The following DMRT2 variants were observed in gnomAD, a reference collection of about 807,000 sequenced individuals.
DMRT2 encodes doublesex and mab-3 related transcription factor 2.
DMRT2 carries 33 observed loss-of-function variants against 43.5 expected under a neutral mutation model. That is an observed-to-expected ratio of 0.76 (90% CI 0.58 to 1.01). The LOEUF (loss-of-function observed/expected upper bound fraction) is 1.01. Among genes scored for constraint, DMRT2 ranks in the 50% least tolerant of loss-of-function variants. The pLI is 0.00. For synonymous variants in DMRT2, 395 were observed against 309.2 expected (o/e 1.28, Z -2.91); for missense variants, 1,064 against 748.0 (o/e 1.42, Z -4.93).
At position 1,057,317 on chromosome 9, in the gene DMRT2, C is replaced by T. The variant is rs779575171; in HGVS notation, c.*44C>T. 44 of 1,515,192 alleles carry T rather than the reference C, an allele frequency of 2.9e-5. No homozygotes were observed. In the East Asian group the frequency reaches 4.8e-4, roughly 16 times the overall value. 93.9% of individuals were successfully genotyped at this position (1,515,192 alleles called of 1,614,324 possible). A position where few individuals can be genotyped will look rare whatever the true frequency, so the allele number is the denominator to read the frequency against. On this transcript the variant is annotated 3_prime_UTR_variant, in exon 4 of 4. Coordinates refer to ENST00000358146, the MANE Select transcript of DMRT2 (RefSeq NM_181872.6). ...AGCTGGATTTTCTGCAGTCTTAGAGCATTATAGCCATTTGCTACTTTTTTT... is the reference window on the plus strand; with the variant it reads ...AGCTGGATTTTCTGCAGTCTTAGAGTATTATAGCCATTTGCTACTTTTTTT...
chr9:1,052,027 C>A lies in DMRT2; in HGVS notation c.414C>A (p.His138Gln). 1 of 1,477,474 alleles carries A rather than the reference C, an allele frequency of 6.8e-7. No individual in the cohort carries two copies. Among genetic ancestry groups the A allele is most frequent in the African/African-American group, 1.5e-5 (1 of 68,320 alleles). The allele number at this position is 1,477,474 out of a possible 1,614,324, so 91.5% of individuals were successfully genotyped here. A position where few individuals can be genotyped will look rare whatever the true frequency, so the allele number is the denominator to read the frequency against. The change falls in exon 2 of 4, where the codon CAC becomes CAA. Residue 138 changes from histidine to glutamine, a missense_variant. His to Gln is a conservative substitution (Grantham distance 24, BLOSUM62 0). Transcript: ENST00000358146. ...NHGVVSCLKG[H>Q]KRFCRWRDCQ... Reference sequence around the variant, plus strand: ...GCGTGGTGTCCTGCCTGAAGGGCCACAAGCGCTTCTGTCGCTGGCGCGACT... The same window carrying A: ...GCGTGGTGTCCTGCCTGAAGGGCCAAAAGCGCTTCTGTCGCTGGCGCGACT...
rs746035775 is a variant in DMRT2 at position 1,051,689 on chromosome 9, G to T, written c.76G>T (p.Val26Phe). ...DVESLELEED[V>F]CGAPRSTPPG... ...CGAGAGCCTGGAGCTGGAAGAGGAC[G>T]TCTGCGGGGCGCCGCGGTCCACGCC... Residue 26 changes from valine to phenylalanine, a missense_variant, in exon 2 of 4, where the codon GTC (valine) becomes TTC (phenylalanine). Coordinates refer to ENST00000358146, the MANE Select transcript of DMRT2 (RefSeq NM_181872.6). This position sits in a 1 kb window ranked among gnomAD's most constrained non-coding sequence, Gnocchi z 5.9. The T allele has an allele frequency of 2.6e-6, 4 of 1,562,250 alleles. No homozygotes were observed. Among genetic ancestry groups the T allele is most frequent in the Non-Finnish European group, 3.4e-6 (4 of 1,161,558 alleles).
At chr9:1,053,055 G>C (rs1023444399) in intron 2 of DMRT2, 12 of 152,290 alleles carry the variant, frequency 7.9e-5, no homozygotes, top group Non-Finnish European at 1.6e-4. Flanking sequence ...CCCGCGTCCC[G>C]CATGGGTCAT....
chr9:1,053,935 C>G, intron 3 of DMRT2, 111 bp downstream of exon 3: 1 of 871,314 alleles, frequency 1.1e-6, no homozygotes, highest in Non-Finnish European at 1.7e-6. Flanking sequence ...AGGGAAAGTA[C>G]TTTTTATTAG....
Position 1,056,780 on chromosome 9 carries a change from T to G in DMRT2, c.1193T>G (p.Leu398Trp). ...SAEQDMMPSK[L>W]EGSLVLPHTP... The stretch of plus-strand genomic sequence containing the variant: ...GAGCAGGACATGATGCCATCGAAAT[T>G]GGAAGGTTCCCTGGTGCTGCCTCAC... Residue 398 changes from leucine to tryptophan, a missense_variant, in exon 4 of 4, where the codon TTG (leucine) becomes TGG (tryptophan). Physicochemically the swap from Leu to Trp is moderately conservative, Grantham distance 61. Transcript: ENST00000358146. The G allele has an allele frequency of 6.2e-7, 1 of 1,614,066 alleles. No homozygotes were observed. The highest frequency in any genetic ancestry group is 8.5e-7 in the Non-Finnish European group (1 of 1,180,006).
intron 3 of DMRT2, chr9:1,055,999 C>G (rs915713701): frequency 2.9e-5 from 41 of 1,412,862 alleles, no homozygotes; most frequent in Non-Finnish European, 3.8e-5. Flanking sequence ...AGAACAAGAA[C>G]AACAACAAGA....
rs1586730681 is a variant in DMRT2 at position 1,051,712 on chromosome 9, G to C, written c.99G>C (p.Thr33=). The C allele has an allele frequency of 6.5e-7, 1 of 1,542,228 alleles. No individual in the cohort carries two copies. The highest frequency in any genetic ancestry group is 8.7e-7 in the Non-Finnish European group (1 of 1,149,618). ...ACGTCTGCGGGGCGCCGCGGTCCAC[G>C]CCCCCCGGGCCCAGCCCGCCGCCGG... The part of the protein sequence containing the change: ...EEDVCGAPRS[T]PPGPSPPPAD... Residue 33 remains threonine, a synonymous_variant, in exon 2 of 4, where the codon ACG becomes ACC. Transcript: ENST00000358146. The surrounding 1 kb of genome is among the most constrained non-coding windows in gnomAD (Gnocchi z 5.9).
Position 1,056,252 on chromosome 9 carries a change from G to A in DMRT2, c.665G>A (p.Gly222Glu), listed in dbSNP as rs1316053446. The change falls in exon 4 of 4, where the codon GGG becomes GAG. Residue 222 changes from glycine to glutamate, a missense_variant. Transcript: ENST00000358146. ...ATTCCAGCGGAGACTTATGTAGGAG[G>A]GACCTTCCCTCTACCTCCCCCAGTT... ...RPIPAETYVG[G>E]TFPLPPPVSD... 31 of 1,613,702 alleles carry A rather than the reference G, an allele frequency of 1.9e-5. No individual in the cohort carries two copies. The highest frequency in any genetic ancestry group is 4.5e-5 in the East Asian group (2 of 44,888).
chr9:1,057,068 A>G lies in DMRT2; in HGVS notation c.1481A>G (p.Glu494Gly). 2.5e-6 allele frequency: 4 copies of G among 1,614,214 alleles called. No individual in the cohort carries two copies. The highest frequency in any genetic ancestry group is 3.4e-6 in the Non-Finnish European group (4 of 1,180,038). The change falls in exon 4 of 4, where the codon GAG becomes GGG. Residue 494 changes from glutamate (E) to glycine (G), a missense_variant. Coordinates refer to ENST00000358146, the MANE Select transcript of DMRT2 (RefSeq NM_181872.6). ...GPELKTPFVK[E>G]AFEETPKKHR... Reference sequence around the variant, plus strand: ...GAGTTGAAAACACCATTTGTCAAAGAGGCCTTTGAAGAGACCCCTAAGAAA... The same window carrying G: ...GAGTTGAAAACACCATTTGTCAAAGGGGCCTTTGAAGAGACCCCTAAGAAA...
At chr9:1,056,117 T>C (rs997673023) in intron 3 of DMRT2, 99 bp from the exon 4 acceptor site, 1 of 1,512,268 alleles carries the variant, frequency 6.6e-7, no homozygotes, top group Non-Finnish European at 8.8e-7. Context: ...TGTAAATAAT[T>C]GTTCTGCTGA....
At position 1,056,695 on chromosome 9, in the gene DMRT2, C is replaced by T. The variant is rs1178155730; in HGVS notation, c.1108C>T (p.Leu370=). 1.2e-6 allele frequency: 2 copies of T among 1,614,198 alleles called. No individual in the cohort carries two copies. Among genetic ancestry groups the T allele is most frequent in the East Asian group, 2.2e-5 (1 of 44,876 alleles). The change falls in exon 4 of 4, where the codon CTG becomes TTG. Residue 370 remains leucine, a synonymous_variant. Coordinates refer to ENST00000358146, the MANE Select transcript of DMRT2 (RefSeq NM_181872.6). ...LLNATTSVQA[L]KPGASWDLKG... is the part of the protein sequence containing the mutation. Reference sequence around the variant, plus strand: ...AAATGCCACCACCTCAGTTCAAGCCCTGAAGCCTGGGGCCAGCTGGGACTT... The same window carrying T: ...AAATGCCACCACCTCAGTTCAAGCCTTGAAGCCTGGGGCCAGCTGGGACTT...
rs749118381 is a variant in DMRT2 at position 1,056,443 on chromosome 9, G to C, written c.856G>C (p.Ala286Pro). 17 of 1,614,166 alleles carry C rather than the reference G, an allele frequency of 1.1e-5. No individual in the cohort carries two copies. In the South Asian group the frequency reaches 1.9e-4, roughly 18 times the overall value. ...ACCTGACTACAATTCCTACAAAAGT[G>C]CCTACAGCCCCAGCCCAGTGGAACC... ...PGPDYNSYKSAYSPSPVEPPS... is the reference protein window; with the variant it reads ...PGPDYNSYKSPYSPSPVEPPS... The change falls in exon 4 of 4, where the codon GCC (alanine) becomes CCC (proline). Residue 286 changes from alanine to proline, a missense_variant. By Grantham distance (27) the Ala-to-Pro change is conservative. Coordinates refer to ENST00000358146, the MANE Select transcript of DMRT2 (RefSeq NM_181872.6).
Position 1,056,333 on chromosome 9 carries a change from T to C in DMRT2, c.746T>C (p.Met249Thr). ...AFADKELENI[M>T]LEREYKEREM... is the part of the protein sequence containing the mutation. ...GCTGATAAAGAGTTGGAGAACATTA[T>C]GCTGGAGAGAGAATATAAAGAAAGG... The change falls in exon 4 of 4, where the codon ATG (methionine) becomes ACG (threonine). Residue 249 changes from methionine (M) to threonine (T), a missense_variant. By Grantham distance (81) the Met-to-Thr change is moderately conservative (BLOSUM62 -1). Coordinates refer to ENST00000358146, the MANE Select transcript of DMRT2 (RefSeq NM_181872.6). 2 of 1,614,202 alleles carry C rather than the reference T, an allele frequency of 1.2e-6. No individual in the cohort carries two copies.
chr9:1,051,394 C>T lies in DMRT2; in HGVS notation c.-44-176C>T, dbSNP rs999116479. Among the ~76,000 whole-genome samples the T allele has an allele frequency of 2.0e-5, 3 of 152,158 alleles. No individual in the cohort carries two copies. Among genetic ancestry groups the T allele is most frequent in the African/African-American group, 7.2e-5 (3 of 41,432 alleles). Reference sequence around the variant, plus strand: ...AAAACCTTTGTTGGGTTGTGGATCCCTGGGGGCCCTGGAGATACAGGAAAG... The same window carrying T: ...AAAACCTTTGTTGGGTTGTGGATCCTTGGGGGCCCTGGAGATACAGGAAAG... On this transcript the variant is annotated intron_variant, in intron 1 of 3. Coordinates refer to ENST00000358146, the MANE Select transcript of DMRT2 (RefSeq NM_181872.6). The surrounding 1 kb of genome is among the most constrained non-coding windows in gnomAD (Gnocchi z 5.9).
intron 3 of DMRT2, chr9:1,054,478 C>G (rs1434416811): frequency 6.7e-6 from 1 of 149,820 alleles, no homozygotes; most frequent in East Asian, 2.0e-4. Context: ...CATTTTTTGA[C>G]AGTCAAGGTT....
rs555991509 is a variant in DMRT2, at chr9:1,052,205, G to A, written c.525+67G>A. On this transcript the variant is annotated intron_variant, in intron 2 of 3. Transcript: ENST00000358146. The stretch of plus-strand genomic sequence containing the variant: ...GGTGGGGGAGTTGGAGGGGAGCGGG[G>A]CGGCCGTCCACACCCCCCGCGCCCA... The A allele has an allele frequency of 1.5e-5, 19 of 1,267,552 alleles. No individual in the cohort carries two copies. The South Asian group carries it at 3.5e-4, about 24-fold the overall frequency. 78.5% of individuals were successfully genotyped at this position (1,267,552 alleles called of 1,614,324 possible). A position where few individuals can be genotyped will look rare whatever the true frequency, so the allele number is the denominator to read the frequency against.
At chr9:1,052,494 C>T (rs1184899264) in intron 2 of DMRT2, among the ~76,000 whole-genome samples, 1 of 151,868 alleles carries the variant, frequency 6.6e-6, no homozygotes, top group Non-Finnish European at 1.5e-5. Context: ...AGTGGTTGAT[C>T]CACAGCACGG....
intron 2 of DMRT2, 29 bp downstream of exon 2, chr9:1,052,167 A>C: frequency 7.5e-7 from 1 of 1,337,986 alleles, no homozygotes; most frequent in Non-Finnish European, 9.5e-7. Context: ...CGGGCGTCTC[A>C]GGCCACAGTG....
Position 1,057,348 on chromosome 9 carries a change from TTAAGA to T in DMRT2, c.*77_*81del. The T allele has an allele frequency of 2.0e-6, 3 of 1,468,596 alleles. No individual in the cohort carries two copies. The South Asian group carries it at 4.3e-5, about 21-fold the overall frequency. 91.0% of individuals were successfully genotyped at this position (1,468,596 alleles called of 1,614,324 possible). A position where few individuals can be genotyped will look rare whatever the true frequency, so the allele number is the denominator to read the frequency against. On this transcript the variant is annotated 3_prime_UTR_variant, in exon 4 of 4. Transcript: ENST00000358146. ...AGCCATTTGCTACTTTTTTTAAAAGTTAAGATGTTTGTGTAAAGAAATTTCTAATG... is the reference window on the plus strand; with the variant it reads ...AGCCATTTGCTACTTTTTTTAAAAGTTGTTTGTGTAAAGAAATTTCTAATG...
Sources: gnomAD v4.1 joint callset for allele counts (sites outside exome capture counted in the v4.1 genomes callset) on GRCh38, gnomAD v4.1.1 for gene constraint, Gnocchi (gnomAD v3.1) non-coding constraint, MANE v1.5 for transcripts, NCBI Gene and HGNC (gene_info 2026-07-23, HGNC 2026-07-21) for gene names.